Variants in KCTD10 observed in about 807,000 individuals in gnomAD.
The protein encoded by KCTD10 is potassium channel tetramerization domain containing 10.
KCTD10 carries 13 observed loss-of-function variants against 34.6 expected under a neutral mutation model. The ratio of observed to expected loss-of-function variants is 0.38; its 90% CI spans 0.24 to 0.60. KCTD10 has a LOEUF of 0.60. Ranked by LOEUF, KCTD10 falls within the 20% of genes least tolerant of loss-of-function variation. The pLI is 0.66. For synonymous variants in KCTD10, 156 were observed against 168.8 expected (o/e 0.92, Z 0.59); for missense variants, 256 against 420.3 (o/e 0.61, Z 3.42).
intron 3 of KCTD10, chr12:109,458,402 A>C: frequency 4.2e-6 from 1 of 236,872 alleles, no homozygotes; most frequent in Non-Finnish European, 8.2e-6. Context: ...AGCTCCTAAA[A>C]CCCCACTACC....
At chr12:109,470,111 C>T in intron 1 of KCTD10, 11 of 1,046,290 alleles carry the variant, frequency 1.1e-5, no homozygotes, top group Non-Finnish European at 1.3e-5. Flanking sequence ...TTCTGCCTAG[C>T]ACCTGTATAC....
In KCTD10 at chr12:109,450,047, C is replaced by T. The variant is rs1451048308; in HGVS notation, c.*1548G>A. 4 of 381,208 alleles carry T rather than the reference C, an allele frequency of 1.0e-5. No homozygotes were observed. Among genetic ancestry groups the T allele is most frequent in the Non-Finnish European group, 1.9e-5 (4 of 215,508 alleles). 23.6% of individuals were successfully genotyped at this position (381,208 alleles called of 1,614,324 possible). A position where few individuals can be genotyped will look rare whatever the true frequency, so the allele number is the denominator to read the frequency against. ...AGGCATACAACTGTCACAGGCAGGG[C>T]AGTAAGTACAAAGTCTAAGCTGTAA... On this transcript the variant is annotated 3_prime_UTR_variant, in exon 7 of 7. Coordinates refer to ENST00000228495, the MANE Select transcript of KCTD10 (RefSeq NM_031954.5).
chr12:109,455,837 G>A (rs1188328853), intron 6 of KCTD10, among the ~76,000 whole-genome samples: 1 of 152,130 alleles, frequency 6.6e-6, no homozygotes, highest in African/African-American at 2.4e-5. Flanking sequence ...TACTGGTTTG[G>A]AGAGGATGAT....
chr12:109,469,413 C>T, intron 2 of KCTD10, 102 bp downstream of exon 2: 1 of 1,413,432 alleles, frequency 7.1e-7, no homozygotes, highest in Non-Finnish European at 9.7e-7. Flanking sequence ...AAGCTGCCTC[C>T]TACACATCTT....
At chr12:109,453,005 G>T (rs1872855568) in intron 6 of KCTD10, among the ~76,000 whole-genome samples, 1 of 152,188 alleles carries the variant, frequency 6.6e-6, no homozygotes, top group South Asian at 2.1e-4. Context: ...GCGTGTTCTT[G>T]TGTTTGTGAA....
At chr12:109,464,740 T>C (rs1370947412) in intron 2 of KCTD10, 1 of 434,328 alleles carries the variant, frequency 2.3e-6, no homozygotes, top group Non-Finnish European at 4.6e-6. Flanking sequence ...GTACCAGACA[T>C]TAGGAAATAC....
intron 6 of KCTD10, among the ~76,000 whole-genome samples, chr12:109,453,618 T>C (rs1472627936): frequency 6.6e-6 from 1 of 152,158 alleles, no homozygotes; most frequent in Non-Finnish European, 1.5e-5. Flanking sequence ...CTCAGCAGGA[T>C]TGGGAGAATC....
intron 1 of KCTD10, among the ~76,000 whole-genome samples, chr12:109,476,869 A>G (rs1337398336): frequency 1.3e-5 from 2 of 151,712 alleles, no homozygotes; most frequent in Non-Finnish European, 2.9e-5. Flanking sequence ...TAATCCTCCA[A>G]ATCCTCATTT....
At position 109,449,499 on chromosome 12, in the gene KCTD10, G is replaced by T. The variant is rs1285826757; in HGVS notation, c.*2096C>A. The T allele has an allele frequency of 6.6e-6, 1 of 152,242 alleles. No individual in the cohort carries two copies. Among genetic ancestry groups the T allele is most frequent in the African/African-American group, 2.4e-5 (1 of 41,432 alleles). 9.4% of individuals were successfully genotyped at this position (152,242 alleles called of 1,614,324 possible). The stretch of plus-strand genomic sequence containing the variant: ...CCCAGCACTTTGGGAGGCCAAGGTG[G>T]TCGGATCACAGGGTCAGGAGTTCAA... On this transcript the variant is annotated 3_prime_UTR_variant, in exon 7 of 7. Transcript: ENST00000228495.
Position 109,451,442 on chromosome 12 carries a change from T to C in KCTD10, c.*153A>G. On this transcript the variant is annotated 3_prime_UTR_variant, in exon 7 of 7. Transcript: ENST00000228495. This position sits in a 1 kb window ranked among gnomAD's most constrained non-coding sequence, Gnocchi z 5.0. Reference sequence around the variant, plus strand: ...GGGTCAAGACAATCAATTTGCCTTGTCAAGCAATACCAAAATAATCATCTG... The same window carrying C: ...GGGTCAAGACAATCAATTTGCCTTGCCAAGCAATACCAAAATAATCATCTG... The C allele has an allele frequency of 1.4e-6, 1 of 714,792 alleles. No individual in the cohort carries two copies. Among genetic ancestry groups the C allele is most frequent in the Non-Finnish European group, 2.2e-6 (1 of 446,574 alleles). 44.3% of individuals were successfully genotyped at this position (714,792 alleles called of 1,614,324 possible). A position where few individuals can be genotyped will look rare whatever the true frequency, so the allele number is the denominator to read the frequency against.
chr12:109,476,184 T>A (rs1874235280), intron 1 of KCTD10, among the ~76,000 whole-genome samples: 1 of 152,228 alleles, frequency 6.6e-6, no homozygotes, highest in African/African-American at 2.4e-5. Flanking sequence ...TCAGCCATTT[T>A]GAATAAGTTA....
At position 109,462,951 on chromosome 12, in the gene KCTD10, AC is replaced by A. The variant is rs1162792936; in HGVS notation, c.218-2147del. Among the ~76,000 whole-genome samples, 5 of 152,226 alleles carry A rather than the reference AC, an allele frequency of 3.3e-5. No homozygotes were observed. In the East Asian group the frequency reaches 9.7e-4, roughly 29 times the overall value. On this transcript the variant is annotated intron_variant, in intron 2 of 6. Coordinates refer to ENST00000228495, the MANE Select transcript of KCTD10 (RefSeq NM_031954.5). ...CAGAAGGCTGACAAGGCAGGGAAAG[AC>A]CGTATTATCTTTCTACCAGTTCTTT...
At chr12:109,457,570 G>T in intron 5 of KCTD10, 60 bp downstream of exon 5, 1 of 1,460,680 alleles carries the variant, frequency 6.8e-7, no homozygotes, top group Non-Finnish European at 9.6e-7. Context: ...GCTGGGCCTG[G>T]CTGGTGTGAG....
Position 109,449,896 on chromosome 12 carries a change from A to C in KCTD10, c.*1699T>G, listed in dbSNP as rs898546168. 5.8e-6 allele frequency: 1 copy of C among 172,478 alleles called. No homozygotes were observed. The highest frequency in any genetic ancestry group is 1.2e-5 in the Non-Finnish European group (1 of 81,978). The allele number at this position is 172,478 out of a possible 1,614,324, so 10.7% of individuals were successfully genotyped here. ...CTTTCCTTAGCACTTAATAAAATCC[A>C]AATGGCCTAATATAAAAGTTTCTCA... On this transcript the variant is annotated 3_prime_UTR_variant, in exon 7 of 7. Coordinates refer to ENST00000228495, the MANE Select transcript of KCTD10 (RefSeq NM_031954.5).
Position 109,477,255 on chromosome 12 carries a change from C to G in KCTD10, c.3+5G>C. 1.2e-6 allele frequency: 2 copies of G among 1,613,998 alleles called. No homozygotes were observed. Among genetic ancestry groups the G allele is most frequent in the Non-Finnish European group, 1.7e-6 (2 of 1,179,942 alleles). On this transcript the variant is annotated splice_donor_5th_base_variant and intron_variant, in intron 1 of 6. Transcript: ENST00000228495. ...CCCCTAGTCCATGGGCACCGCCCTC[C>G]CTACCATGAAAAGTCGGAGGACGCA... is the stretch of plus-strand genomic sequence containing the variant.
In KCTD10 at chr12:109,451,630, T is replaced by C; in HGVS notation, c.907A>G (p.Lys303Glu). The C allele has an allele frequency of 6.2e-7, 1 of 1,611,108 alleles. No homozygotes were observed. Among genetic ancestry groups the C allele is most frequent in the Non-Finnish European group, 8.5e-7 (1 of 1,179,196 alleles). The change falls in exon 7 of 7, where the codon AAG becomes GAG. Residue 303 changes from lysine (K) to glutamate (E), a missense_variant. This residue lies in a region of KCTD10 where 60 missense variants were observed against 89.0 expected (regional missense o/e 0.67). Coordinates refer to ENST00000228495, the MANE Select transcript of KCTD10 (RefSeq NM_031954.5). The surrounding 1 kb of genome is among the most constrained non-coding windows in gnomAD (Gnocchi z 5.0). Reference protein sequence around the residue: ...RIERVRRIHIKRPDDRAHLHQ With the variant: ...RIERVRRIHIERPDDRAHLHQ ...AGGTGGGCCCGGTCATCAGGGCGCTTGATGTGGATCCTCCGCACGCGCTCG... is the reference window on the plus strand; with the variant it reads ...AGGTGGGCCCGGTCATCAGGGCGCTCGATGTGGATCCTCCGCACGCGCTCG...
Position 109,451,878 on chromosome 12 carries a change from T to TTA in KCTD10, c.724-67_724-66dup, listed in dbSNP as rs1872791888. The TTA allele has an allele frequency of 6.3e-6, 9 of 1,425,040 alleles. No homozygotes were observed. The highest frequency in any genetic ancestry group is 1.4e-5 in the African/African-American group (1 of 70,142). 88.3% of individuals were successfully genotyped at this position (1,425,040 alleles called of 1,614,324 possible). A position where few individuals can be genotyped will look rare whatever the true frequency, so the allele number is the denominator to read the frequency against. ...CACCCCCTCTGCCAACACCTGGACT[T>TTA]TAAGCAGGGCCGCCAGGCTAAATCA... On this transcript the variant is annotated intron_variant, in intron 6 of 6. Coordinates refer to ENST00000228495, the MANE Select transcript of KCTD10 (RefSeq NM_031954.5). This position sits in a 1 kb window ranked among gnomAD's most constrained non-coding sequence, Gnocchi z 5.0.
At chr12:109,459,031 CA>C (rs1873175240) in intron 3 of KCTD10, 1 of 152,120 alleles carries the variant, frequency 6.6e-6, no homozygotes, top group Admixed American at 6.6e-5. Flanking sequence ...AAAACCAAAA[CA>C]AAGACAGGAA....
chr12:109,474,492 T>A (rs1236029656), intron 1 of KCTD10, among the ~76,000 whole-genome samples: 1 of 152,134 alleles, frequency 6.6e-6, no homozygotes, highest in Non-Finnish European at 1.5e-5. Context: ...TCCTGACACC[T>A]AGGTCCTACC....
Sources: gnomAD v4.1 joint callset for allele counts (sites outside exome capture counted in the v4.1 genomes callset) on GRCh38, gnomAD v4.1.1 for gene constraint, gnomAD v4.1.1 regional missense constraint, Gnocchi (gnomAD v3.1) non-coding constraint, MANE v1.5 for transcripts, NCBI Gene and HGNC (gene_info 2026-07-23, HGNC 2026-07-21) for gene names.